The following CACNA1I variants were observed in gnomAD, a reference collection of about 807,000 sequenced individuals.
The protein encoded by CACNA1I is voltage-dependent T-type calcium channel subunit alpha-1I.
Under a neutral mutation model 201.6 loss-of-function variants are expected in CACNA1I, and 74 were observed. The observed-to-expected ratio is 0.37, with a 90% CI of 0.30 to 0.45. The LOEUF (loss-of-function observed/expected upper bound fraction) is 0.45, where lower values mean the gene tolerates loss of function less well. Among genes scored for constraint, CACNA1I ranks in the 20% least tolerant of loss-of-function variants. CACNA1I has a pLI of 1.00. For missense variants in CACNA1I, 2,346 were observed against 3,138.1 expected (o/e 0.75, Z 6.03); for synonymous variants, 1,431 against 1,345.2 (o/e 1.06, Z -1.40).
At chr22:39,678,270 G>A (rs1006124878) in intron 31 of CACNA1I, among the ~76,000 whole-genome samples, 162 bp downstream of exon 31, 1 of 152,226 alleles carries the variant, frequency 6.6e-6, no homozygotes, top group African/African-American at 2.4e-5. Flanking sequence ...CCAGCACAGT[G>A]GGGAGAGCTG....
Position 39,664,099 on chromosome 22 carries a change from C to A in CACNA1I, c.3606C>A (p.Ile1202=). The A allele has an allele frequency of 1.2e-6, 2 of 1,613,746 alleles. No homozygotes were observed. Among genetic ancestry groups the A allele is most frequent in the Non-Finnish European group, 1.7e-6 (2 of 1,179,732 alleles). The part of the protein sequence containing the change: ...PQIEAGSTER[I]FLTVSNYIFT... The stretch of plus-strand genomic sequence containing the variant: ...TCTCCCGATGCTTTCAGGAACGCAT[C>A]TTTCTCACCGTGTCCAACTACATCT... The change falls in exon 20 of 37, where the codon ATC becomes ATA. Residue 1202 remains isoleucine (I), a synonymous_variant. Transcript: ENST00000402142.
chr22:39,574,851 G>A (rs1192975416), intron 1 of CACNA1I, among the ~76,000 whole-genome samples: 1 of 152,220 alleles, frequency 6.6e-6, no homozygotes, highest in African/African-American at 2.4e-5. Flanking sequence ...AGCATGGGAG[G>A]GTCCCCCAGA....
chr22:39,610,382 G>A (rs1397776560), intron 3 of CACNA1I, among the ~76,000 whole-genome samples: 1 of 152,180 alleles, frequency 6.6e-6, no homozygotes, highest in Non-Finnish European at 1.5e-5. Flanking sequence ...TTGGGTGGGC[G>A]TGGACTGGGG....
At chr22:39,614,514 C>A (rs1022510755) in intron 3 of CACNA1I, among the ~76,000 whole-genome samples, 1 of 152,242 alleles carries the variant, frequency 6.6e-6, no homozygotes, top group African/African-American at 2.4e-5. Context: ...AAGGTGGCCT[C>A]CGGGTTTGCA....
At chr22:39,620,722 G>A (rs1429077449) in intron 4 of CACNA1I, among the ~76,000 whole-genome samples, 1 of 150,550 alleles carries the variant, frequency 6.6e-6, no homozygotes, top group Non-Finnish European at 1.5e-5. Flanking sequence ...CTGCCTTCCT[G>A]GTTTTTTTTT....
Position 39,598,274 on chromosome 22 carries a change from G to GCCCCCCCCCCCCCC in CACNA1I, c.348+16_348+17insCCCCCCCCCCCCCC. ...GCAAGATCCTGCAGGTGAGCCGGCC[G>GCCCCCCCCCCCCCC]CCCCGCCCCGCCCCGCCCTGCCCTC... On this transcript the variant is annotated intron_variant, in intron 2 of 36. Coordinates refer to ENST00000402142, the MANE Select transcript of CACNA1I (RefSeq NM_021096.4). 2 of 1,311,228 alleles carry GCCCCCCCCCCCCCC rather than the reference G, an allele frequency of 1.5e-6. No individual in the cohort carries two copies. The highest frequency in any genetic ancestry group is 1.3e-5 in the South Asian group (1 of 77,632). The allele number at this position is 1,311,228 out of a possible 1,614,324, so 81.2% of individuals were successfully genotyped here.
chr22:39,621,774 G>A (rs980441686), intron 4 of CACNA1I, among the ~76,000 whole-genome samples: 1 of 152,056 alleles, frequency 6.6e-6, no homozygotes, highest in Admixed American at 6.5e-5. Flanking sequence ...CTGTGCGGGA[G>A]GGGGAGGGGG....
intron 3 of CACNA1I, among the ~76,000 whole-genome samples, chr22:39,603,697 T>G (rs748888589): frequency 1.3e-5 from 2 of 152,192 alleles, no homozygotes; most frequent in Non-Finnish European, 2.9e-5. Context: ...AAAGTGACCC[T>G]TACACAAATC....
intron 1 of CACNA1I, among the ~76,000 whole-genome samples, chr22:39,575,075 C>G (rs1932300777): frequency 6.6e-6 from 1 of 152,264 alleles, no homozygotes; most frequent in African/African-American, 2.4e-5. Context: ...TATGTCAGCA[C>G]CGCTCCCTGC....
Position 39,668,282 on chromosome 22 carries a change from T to G in CACNA1I, c.4105-10T>G. On this transcript the variant is annotated splice_polypyrimidine_tract_variant and intron_variant, in intron 23 of 36. Transcript: ENST00000402142. ...CTCACCCCTGCATTCCGCCTCCCCA[T>G]GTCTCCCAGGCTCTGATGTCCCTCT... 6.3e-7 allele frequency: 1 copy of G among 1,597,478 alleles called. No individual in the cohort carries two copies. Among genetic ancestry groups the G allele is most frequent in the Non-Finnish European group, 8.6e-7 (1 of 1,165,022 alleles).
Position 39,648,093 on chromosome 22 carries a change from G to C in CACNA1I, c.1567+167G>C, listed in dbSNP as rs2146428692. 1.1e-5 allele frequency: 7 copies of C among 619,100 alleles called. No individual in the cohort carries two copies. The South Asian group carries it at 1.4e-4, about 12-fold the overall frequency. 38.4% of individuals were successfully genotyped at this position (619,100 alleles called of 1,614,324 possible). ...GTGAGGACAGGGGCCCCCAGCACGT[G>C]GCCGTCCACGGCGGGAGTCAGCCAC... On this transcript the variant is annotated intron_variant, in intron 9 of 36. Coordinates refer to ENST00000402142, the MANE Select transcript of CACNA1I (RefSeq NM_021096.4). This position sits in a 1 kb window ranked among gnomAD's most constrained non-coding sequence, Gnocchi z 5.4.
intron 1 of CACNA1I, among the ~76,000 whole-genome samples, chr22:39,577,217 T>A (rs1932386696): frequency 1.3e-5 from 2 of 152,204 alleles, no homozygotes; most frequent in African/African-American, 4.8e-5. Context: ...GAATTTTTAA[T>A]AAGAGACGGG....
chr22:39,598,120 C>A, intron 1 of CACNA1I, 31 bp from the exon 2 acceptor site: 1 of 1,424,848 alleles, frequency 7.0e-7, no homozygotes, highest in East Asian at 2.4e-5. Context: ...GGCGATCCCA[C>A]CTGCTGCTTT....
At position 39,661,220 on chromosome 22, in the gene CACNA1I, A is replaced by C. The variant is rs1934998208; in HGVS notation, c.2811A>C (p.Ser937=). 1 of 1,611,774 alleles carries C rather than the reference A, an allele frequency of 6.2e-7. No homozygotes were observed. The highest frequency in any genetic ancestry group is 1.3e-5 in the African/African-American group (1 of 74,924). Residue 937 remains serine, a synonymous_variant, in exon 16 of 37, where the codon TCA becomes TCC. Transcript: ENST00000402142. ...CTGCGGGACCTGCCCCCCGACTCTC[A>C]CTGCAGCCGGACCCCATGCTGGTGG... ...AGAAGPAPRL[S]LQPDPMLVAL... is the part of the protein sequence containing the mutation.
At chr22:39,575,272 G>A (rs1932308092) in intron 1 of CACNA1I, among the ~76,000 whole-genome samples, 1 of 152,214 alleles carries the variant, frequency 6.6e-6, no homozygotes, top group South Asian at 2.1e-4. Context: ...GTGTGACCAT[G>A]GGTCAGTTTC....
Position 39,634,645 on chromosome 22 carries a change from T to C in CACNA1I, c.661T>C (p.Phe221Leu), listed in dbSNP as rs760160880. 2 of 1,613,968 alleles carry C rather than the reference T, an allele frequency of 1.2e-6. No individual in the cohort carries two copies. The highest frequency in any genetic ancestry group is 1.7e-6 in the Non-Finnish European group (2 of 1,179,880). Residue 221 changes from phenylalanine to leucine, a missense_variant, in exon 5 of 37, where the codon TTC (phenylalanine) becomes CTC (leucine). Around this residue, in one of 13 missense-constraint regions of CACNA1I, gnomAD observed 227 missense variants for 412.5 expected, o/e 0.55. Coordinates refer to ENST00000402142, the MANE Select transcript of CACNA1I (RefSeq NM_021096.4). The stretch of plus-strand genomic sequence containing the variant: ...CCTGCTGCTCTGCTTCTTTGTCTTC[T>C]TCATCTTTGGCATCATAGGTGTGCA... ...NVLLLCFFVF[F>L]IFGIIGVQLW...
intron 1 of CACNA1I, 129 bp downstream of exon 1, chr22:39,571,117 T>C: frequency 1.3e-6 from 1 of 780,112 alleles, no homozygotes; most frequent in Non-Finnish European, 2.2e-6. Flanking sequence ...CACTGGGCCT[T>C]GGTGGTGGTG....
chr22:39,604,775 G>A (rs926823559), intron 3 of CACNA1I, among the ~76,000 whole-genome samples: 4 of 147,912 alleles, frequency 2.7e-5, no homozygotes, highest in Non-Finnish European at 4.5e-5. Flanking sequence ...TAATTTTTTT[G>A]TAGAGACAAG....
Position 39,648,759 on chromosome 22 carries a change from A to G in CACNA1I, c.1568-742A>G, listed in dbSNP as rs1934563833. Among the ~76,000 whole-genome samples, 1 of 152,124 alleles carries G rather than the reference A, an allele frequency of 6.6e-6. No individual in the cohort carries two copies. Among genetic ancestry groups the G allele is most frequent in the South Asian group, 2.1e-4 (1 of 4,832 alleles). ...AAAACACAAAGAAGGCATTAAACCA[A>G]GCAGAGAGAGGCCTCTCTGACACCT... On this transcript the variant is annotated intron_variant, in intron 9 of 36. Transcript: ENST00000402142. This position sits in a 1 kb window ranked among gnomAD's most constrained non-coding sequence, Gnocchi z 5.4.
Sources: allele counts gnomAD v4.1 joint callset (sites outside exome capture counted in the v4.1 genomes callset), GRCh38; gene constraint gnomAD v4.1.1; regional missense constraint gnomAD v4.1.1; non-coding constraint Gnocchi (gnomAD v3.1); transcripts MANE v1.5; gene names NCBI Gene and HGNC (gene_info 2026-07-23, HGNC 2026-07-21).